The following LTBP2 variants were observed in gnomAD, a reference collection of about 807,000 sequenced individuals.
LTBP2 encodes latent transforming growth factor beta binding protein 2.
Under a neutral mutation model 210.6 loss-of-function variants are expected in LTBP2, and 103 were observed. That is an observed-to-expected ratio of 0.49 (90% CI 0.42 to 0.58). The LOEUF (loss-of-function observed/expected upper bound fraction) is 0.58. LTBP2 is among the 20% of genes least tolerant of loss of function. LTBP2 has a pLI of 0.00. For synonymous variants in LTBP2, 1,007 were observed against 1,015.0 expected (o/e 0.99, Z 0.15); for missense variants, 2,313 against 2,494.5 (o/e 0.93, Z 1.55).
chr14:74,568,489 G>T (rs1164382738), intron 3 of LTBP2, among the ~76,000 whole-genome samples: 1 of 152,006 alleles, frequency 6.6e-6, no homozygotes, highest in Non-Finnish European at 1.5e-5. Context: ...ACATATTCAG[G>T]AATGTGCTGG....
At chr14:74,548,670 C>T (rs187608192) in intron 8 of LTBP2, among the ~76,000 whole-genome samples, 19 of 152,302 alleles carry the variant, frequency 1.2e-4, no homozygotes, top group Admixed American at 2.6e-4. Context: ...ATTCCTTTCT[C>T]GCTTTCTTGA....
Position 74,610,750 on chromosome 14 carries a change from G to T in LTBP2, c.494+701C>A, listed in dbSNP as rs112067543. Among the ~76,000 whole-genome samples, 307 of 152,306 alleles carry T rather than the reference G, an allele frequency of 2.0e-3. 1 individual carries two copies. The highest frequency in any genetic ancestry group is 7.2e-3 in the African/African-American group (301 of 41,562). ...AAAAAAGTAAATTGCAGGGTTGTGC[G>T]GTGGCTTAGCCCTGCAACGCGCCCA... On this transcript the variant is annotated intron_variant, in intron 1 of 35. Transcript: ENST00000261978.
intron 3 of LTBP2, among the ~76,000 whole-genome samples, chr14:74,570,040 A>G (rs549954717): frequency 6.6e-6 from 1 of 152,318 alleles, no homozygotes; most frequent in Admixed American, 6.5e-5. Flanking sequence ...GCAGCCATGA[A>G]AAGGGAATGA....
At chr14:74,516,967 G>T in intron 17 of LTBP2, 26 bp from the exon 18 acceptor site, 1 of 1,549,452 alleles carries the variant, frequency 6.5e-7, no homozygotes. Flanking sequence ...AAAGCCCTGA[G>T]TCACAGCCAG....
At chr14:74,547,644 A>G (rs1722247839) in intron 8 of LTBP2, among the ~76,000 whole-genome samples, 1 of 152,170 alleles carries the variant, frequency 6.6e-6, no homozygotes, top group South Asian at 2.1e-4. Context: ...CACTTGGATG[A>G]AATCTCATTG....
intron 16 of LTBP2, 97 bp downstream of exon 16, chr14:74,522,693 G>A: frequency 7.0e-7 from 1 of 1,427,510 alleles, no homozygotes; most frequent in Non-Finnish European, 9.4e-7. Flanking sequence ...GCACTGCTTG[G>A]ACCTTCTGCT....
rs750046629 is a variant in LTBP2, at chr14:74,532,475, G to A, written c.1938C>T (p.Cys646=). Residue 646 remains cysteine, a synonymous_variant, in exon 10 of 36, where the codon TGC becomes TGT. Coordinates refer to ENST00000261978, the MANE Select transcript of LTBP2 (RefSeq NM_000428.3). The stretch of plus-strand genomic sequence containing the variant: ...CCAGCATGAGGCCAGGTCTGCATGT[G>A]CACAGGTAGCTGCCCCTGGTATTCA... The part of the protein sequence containing the change: ...ECVNTRGSYL[C]TCRPGLMLDP... The A allele has an allele frequency of 6.2e-7, 1 of 1,614,220 alleles. No homozygotes were observed. The highest frequency in any genetic ancestry group is 2.2e-5 in the East Asian group (1 of 44,890).
intron 2 of LTBP2, among the ~76,000 whole-genome samples, chr14:74,594,720 A>T (rs561009366): frequency 2.0e-5 from 3 of 152,182 alleles, no homozygotes; most frequent in African/African-American, 7.2e-5. Context: ...CACAACCTTG[A>T]CTTTTGGTTT....
intron 3 of LTBP2, among the ~76,000 whole-genome samples, chr14:74,562,262 G>A (rs2087803874): frequency 2.0e-5 from 3 of 152,058 alleles, no homozygotes; most frequent in Admixed American, 6.5e-5. Context: ...AGAAGTGCAT[G>A]GAGGTGGGAA....
Position 74,507,960 on chromosome 14 carries a change from C to T in LTBP2, c.3775+13G>A, listed in dbSNP as rs769111400. 2 of 1,612,500 alleles carry T rather than the reference C, an allele frequency of 1.2e-6. No individual in the cohort carries two copies. Among genetic ancestry groups the T allele is most frequent in the South Asian group, 1.1e-5 (1 of 91,032 alleles). On this transcript the variant is annotated intron_variant, in intron 25 of 35. Transcript: ENST00000261978. Reference sequence around the variant, plus strand: ...GTGGGCAGAGCCCTGTGCCCTCCCCCCAGAGCCCTTACCCACACACTCTCC... The same window carrying T: ...GTGGGCAGAGCCCTGTGCCCTCCCCTCAGAGCCCTTACCCACACACTCTCC...
chr14:74,564,125 TTATATATATATTTA>T (rs2087844145), intron 3 of LTBP2, among the ~76,000 whole-genome samples: 5 of 16,158 alleles, frequency 3.1e-4, no homozygotes, highest in Non-Finnish European at 4.6e-4. Flanking sequence ...ATATATATAT[TTATATATATATTTA>T]TATATATATA....
At position 74,508,730 on chromosome 14, in the gene LTBP2, C is replaced by T. The variant is rs778560568; in HGVS notation, c.3527-1G>A. 6.2e-7 allele frequency: 1 copy of T among 1,613,642 alleles called. No homozygotes were observed. The highest frequency in any genetic ancestry group is 1.3e-5 in the African/African-American group (1 of 74,908). ...TCCTCCCCCATGCACTCATTCACAT[C>T]TGCAGGGAAAAGATGGGGAGTGGGT... On this transcript the variant is annotated splice_acceptor_variant, in intron 23 of 35. Transcript: ENST00000261978. LOFTEE classifies it high-confidence loss of function.
chr14:74,503,148 C>T, intron 33 of LTBP2, 71 bp downstream of exon 33: 1 of 1,594,464 alleles, frequency 6.3e-7, no homozygotes, highest in South Asian at 1.1e-5. Flanking sequence ...ATCCCCAGTT[C>T]CAAGGTGAGG....
chr14:74,533,336 C>A (rs2087376028), intron 9 of LTBP2, among the ~76,000 whole-genome samples: 1 of 152,308 alleles, frequency 6.6e-6, no homozygotes, highest in East Asian at 1.9e-4. Flanking sequence ...TGGCACTGGG[C>A]ACAGAGTCAT....
intron 18 of LTBP2, among the ~76,000 whole-genome samples, chr14:74,514,346 T>G (rs1047813456): frequency 6.6e-6 from 1 of 151,882 alleles, no homozygotes; most frequent in African/African-American, 2.4e-5. Context: ...AACCAAAGAG[T>G]GGGAGAGTAT....
chr14:74,545,317 G>A (rs956662957), intron 8 of LTBP2, among the ~76,000 whole-genome samples: 3 of 152,218 alleles, frequency 2.0e-5, no homozygotes, highest in African/African-American at 4.8e-5. Context: ...GGGCTTGCAG[G>A]TGGCTGTACA....
At chr14:74,592,227 A>G (rs943191286) in intron 2 of LTBP2, among the ~76,000 whole-genome samples, 1 of 152,230 alleles carries the variant, frequency 6.6e-6, no homozygotes, top group African/African-American at 2.4e-5. Flanking sequence ...TATTGCTTAG[A>G]GCAAAGAAGG....
At chr14:74,593,076 A>G (rs757783895) in intron 2 of LTBP2, among the ~76,000 whole-genome samples, 26 of 152,228 alleles carry the variant, frequency 1.7e-4, no homozygotes, top group Non-Finnish European at 3.4e-4. Flanking sequence ...TTGCTTTAAA[A>G]GCAAGAAATA....
At chr14:74,559,446 A>C (rs1232124627) in intron 3 of LTBP2, among the ~76,000 whole-genome samples, 1 of 152,168 alleles carries the variant, frequency 6.6e-6, no homozygotes, top group Non-Finnish European at 1.5e-5. Context: ...CCTGCCTCTT[A>C]TTCCTAAAGC....
Sources: allele counts gnomAD v4.1 joint callset (sites outside exome capture counted in the v4.1 genomes callset), GRCh38; gene constraint gnomAD v4.1.1; transcripts MANE v1.5; gene names NCBI Gene and HGNC (gene_info 2026-07-23, HGNC 2026-07-21).